Variants in STX6 observed in about 807,000 individuals in gnomAD.
The protein encoded by STX6 is syntaxin 6, also known as syntaxin-6.
STX6 carries 23 observed loss-of-function variants against 38.0 expected under a neutral mutation model. The ratio of observed to expected loss-of-function variants is 0.60; its 90% CI spans 0.43 to 0.86. STX6 has a LOEUF of 0.86. Ranked by LOEUF, STX6 falls within the 40% of genes least tolerant of loss-of-function variation. The pLI, the probability that STX6 is intolerant of heterozygous loss-of-function variation, is 0.00. For synonymous variants in STX6, 123 were observed against 107.5 expected (o/e 1.14, Z -0.89); for missense variants, 274 against 312.9 (o/e 0.88, Z 0.94).
Position 180,993,480 on chromosome 1 carries a change from A to G in STX6, c.301-55T>C, listed in dbSNP as rs1655813607. ...GAAAAATATCCTTAAACAAAATCAC[A>G]GTTAACATTTCATACATTAGCAAAA... On this transcript the variant is annotated intron_variant, in intron 3 of 7. Coordinates refer to ENST00000258301, the MANE Select transcript of STX6 (RefSeq NM_005819.6). 7 of 1,018,870 alleles carry G rather than the reference A, an allele frequency of 6.9e-6. No homozygotes were observed. In the Admixed American group the frequency reaches 7.3e-5, roughly 11 times the overall value. 63.1% of individuals were successfully genotyped at this position (1,018,870 alleles called of 1,614,324 possible).
intron 4 of STX6, among the ~76,000 whole-genome samples, chr1:180,990,493 G>A (rs753487744): frequency 4.6e-5 from 7 of 152,116 alleles, no homozygotes; most frequent in African/African-American, 1.4e-4. Context: ...ACCTGATTCC[G>A]AAGATCTAGA....
intron 1 of STX6, among the ~76,000 whole-genome samples, chr1:181,014,229 A>AT (rs1447003216): frequency 1.3e-5 from 2 of 152,118 alleles, no homozygotes; most frequent in Non-Finnish European, 2.9e-5. Flanking sequence ...AACCGTCTCT[A>AT]CTAAAAATAC....
chr1:180,979,483 C>T (rs1655342638), intron 7 of STX6, among the ~76,000 whole-genome samples: 1 of 152,200 alleles, frequency 6.6e-6, no homozygotes, highest in African/African-American at 2.4e-5. Context: ...AACAACTGGA[C>T]ATCCATGCCA....
chr1:180,986,196 T>TC (rs1228228287), intron 6 of STX6, among the ~76,000 whole-genome samples: 2 of 152,198 alleles, frequency 1.3e-5, no homozygotes, highest in Non-Finnish European at 2.9e-5. Flanking sequence ...CTAGCCCAAA[T>TC]CTATCTCAGT....
chr1:181,022,466 G>C (rs1378469513), intron 1 of STX6, among the ~76,000 whole-genome samples, 173 bp downstream of exon 1: 1 of 152,172 alleles, frequency 6.6e-6, no homozygotes, highest in Non-Finnish European at 1.5e-5. Flanking sequence ...AGGTAGGGAT[G>C]GAGGGAACGT....
rs760524072 is a variant in STX6, at chr1:180,974,520, A to T, written c.*2050T>A. 1.3e-5 allele frequency: 2 copies of T among 152,602 alleles called. No individual in the cohort carries two copies. The highest frequency in any genetic ancestry group is 2.9e-5 in the Non-Finnish European group (2 of 68,028). 9.5% of individuals were successfully genotyped at this position (152,602 alleles called of 1,614,324 possible). ...CAAACGGCCCCTGCTGACACACATG[A>T]TCCTTTTGTGTGGCACAATAAATCT... On this transcript the variant is annotated 3_prime_UTR_variant, in exon 8 of 8. Coordinates refer to ENST00000258301, the MANE Select transcript of STX6 (RefSeq NM_005819.6).
intron 1 of STX6, among the ~76,000 whole-genome samples, chr1:181,016,598 G>A (rs575074635): frequency 3.3e-5 from 5 of 152,190 alleles, no homozygotes; most frequent in Admixed American, 6.5e-5. Context: ...TTTTTTCACA[G>A]TGACTATACC....
At position 180,973,734 on chromosome 1, in the gene STX6, C is replaced by T. The variant is rs1655180249; in HGVS notation, c.*2836G>A. On this transcript the variant is annotated 3_prime_UTR_variant, in exon 8 of 8. Coordinates refer to ENST00000258301, the MANE Select transcript of STX6 (RefSeq NM_005819.6). ...TCTTCACAGTCCGCAGAGACAAGAC[C>T]AAAAATGAGGACTAAAAACTAAAGG... 1 of 152,560 alleles carries T rather than the reference C, an allele frequency of 6.6e-6. No individual in the cohort carries two copies. The highest frequency in any genetic ancestry group is 2.1e-4 in the South Asian group (1 of 4,830). 9.5% of individuals were successfully genotyped at this position (152,560 alleles called of 1,614,324 possible). A position where few individuals can be genotyped will look rare whatever the true frequency, so the allele number is the denominator to read the frequency against.
At chr1:181,013,506 A>G (rs146430354) in intron 1 of STX6, among the ~76,000 whole-genome samples, 64 of 152,226 alleles carry the variant, frequency 4.2e-4, no homozygotes, top group African/African-American at 1.4e-3. Context: ...TTATTGTAGA[A>G]ACAGGGTCTC....
At chr1:180,982,775 G>A (rs1009136285) in intron 7 of STX6, among the ~76,000 whole-genome samples, 1 of 152,164 alleles carries the variant, frequency 6.6e-6, no homozygotes. Flanking sequence ...TTTTTAAGTA[G>A]AGGGGAGAAG....
rs532388476 is a variant in STX6 at position 180,994,349 on chromosome 1, G to A, written c.301-924C>T. Reference sequence around the variant, plus strand: ...CCAGAACTGTGGTAAATGTGAGTGAGAACCACCTGATTCAACTTTCAAACC... The same window carrying A: ...CCAGAACTGTGGTAAATGTGAGTGAAAACCACCTGATTCAACTTTCAAACC... On this transcript the variant is annotated intron_variant, in intron 3 of 7. Coordinates refer to ENST00000258301, the MANE Select transcript of STX6 (RefSeq NM_005819.6). 6.6e-5 allele frequency among the ~76,000 whole-genome samples: 10 copies of A among 152,338 alleles called. No homozygotes were observed. The South Asian group carries it at 1.9e-3, about 28-fold the overall frequency.
intron 1 of STX6, among the ~76,000 whole-genome samples, chr1:181,018,867 T>C (rs1257119651): frequency 6.6e-6 from 1 of 152,200 alleles, no homozygotes; most frequent in Non-Finnish European, 1.5e-5. Flanking sequence ...CAAGATGAGA[T>C]TCTCCTTAGG....
chr1:180,999,481 A>G (rs567667620), intron 3 of STX6, among the ~76,000 whole-genome samples: 1 of 152,328 alleles, frequency 6.6e-6, no homozygotes, highest in South Asian at 2.1e-4. Context: ...TTACACAAAA[A>G]TGTGAGTATT....
At chr1:180,987,903 T>C (rs1449010635) in intron 6 of STX6, 2 of 183,466 alleles carry the variant, frequency 1.1e-5, no homozygotes, top group African/African-American at 4.8e-5. Flanking sequence ...TCATGTCCTA[T>C]CCTCTCTGGA....
chr1:180,999,897 C>T (rs532968642), intron 3 of STX6, among the ~76,000 whole-genome samples: 6 of 152,302 alleles, frequency 3.9e-5, no homozygotes, highest in East Asian at 1.9e-4. Flanking sequence ...CCCTCTCTAT[C>T]GAGCTCTTCC....
intron 5 of STX6, 140 bp downstream of exon 5, chr1:180,989,844 T>C: frequency 9.6e-7 from 1 of 1,041,872 alleles, no homozygotes; most frequent in South Asian, 1.6e-5. Flanking sequence ...ACATATGCAA[T>C]TATTAAACAC....
chr1:181,011,077 A>G (rs1326670895), intron 1 of STX6, among the ~76,000 whole-genome samples: 1 of 152,262 alleles, frequency 6.6e-6, no homozygotes, highest in Non-Finnish European at 1.5e-5. Context: ...TGCAGAATAA[A>G]GCTCAGCACC....
intron 1 of STX6, among the ~76,000 whole-genome samples, chr1:181,013,695 C>T (rs1420952107): frequency 6.6e-6 from 1 of 152,192 alleles, no homozygotes; most frequent in Non-Finnish European, 1.5e-5. Flanking sequence ...TGTAAAACAA[C>T]CATTTATCAT....
At chr1:181,001,548 G>C (rs550791575) in intron 3 of STX6, among the ~76,000 whole-genome samples, 1 of 152,104 alleles carries the variant, frequency 6.6e-6, no homozygotes, top group African/African-American at 2.4e-5. Context: ...ACTCTGGAAC[G>C]GCTGTCAAGT....
Sources: gnomAD v4.1 joint callset for allele counts (sites outside exome capture counted in the v4.1 genomes callset) on GRCh38, gnomAD v4.1.1 for gene constraint, MANE v1.5 for transcripts, NCBI Gene and HGNC (gene_info 2026-07-23, HGNC 2026-07-21) for gene names.